The following APTX variants were observed in gnomAD, a reference collection of about 807,000 sequenced individuals.
The protein encoded by APTX is forkhead-associated domain histidine triad-like protein.
APTX carries 33 observed loss-of-function variants against 42.3 expected under a neutral mutation model. The ratio of observed to expected loss-of-function variants is 0.78; its 90% CI spans 0.59 to 1.04. The LOEUF (loss-of-function observed/expected upper bound fraction) is 1.04, where lower values mean the gene tolerates loss of function less well. Ranked by LOEUF, APTX falls within the 50% of genes least tolerant of loss-of-function variation. The probability of loss-of-function intolerance (pLI) is 0.00; values close to 1 mark genes in which losing one functional copy is unlikely to be tolerated. For synonymous variants in APTX, 130 were observed against 146.7 expected, an observed-to-expected ratio of 0.89 and a Z score of 0.82; for missense variants, 421 against 415.1, an observed-to-expected ratio of 1.01 and a Z score of -0.12.
chr9:32,990,941 T>C (rs1402607829), intron 1 of APTX, among the ~76,000 whole-genome samples: 1 of 152,142 alleles, frequency 6.6e-6, no homozygotes, highest in Non-Finnish European at 1.5e-5. Context: ...TTTTTTTTTT[T>C]CTGAGACGGA....
intron 6 of APTX, among the ~76,000 whole-genome samples, chr9:32,982,533 A>G (rs796224379): frequency 3.9e-5 from 6 of 152,240 alleles, no homozygotes; most frequent in African/African-American, 1.4e-4. Context: ...ACAATAGGAA[A>G]AATAATTTTA....
At chr9:32,989,662 A>C in intron 2 of APTX, 97 bp downstream of exon 2, 1 of 1,586,286 alleles carries the variant, frequency 6.3e-7, no homozygotes, top group Non-Finnish European at 8.6e-7. Context: ...TTTGGCAGAC[A>C]ATAGATTTTC....
intron 1 of APTX, among the ~76,000 whole-genome samples, chr9:33,010,528 T>G (rs1339417758): frequency 6.6e-6 from 1 of 152,064 alleles, no homozygotes; most frequent in African/African-American, 2.4e-5. Flanking sequence ...AAGACCAGCC[T>G]GGTCAACATG....
Position 32,987,607 on chromosome 9 carries a change from A to C in APTX, c.420T>G (p.Pro140=). 1.2e-6 allele frequency: 2 copies of C among 1,614,188 alleles called. No individual in the cohort carries two copies. Among genetic ancestry groups the C allele is most frequent in the Non-Finnish European group, 1.7e-6 (2 of 1,180,048 alleles). ...CAGAGCATTGGCCAGAGTTGCTCCCAGGTTCCAGCCCTGTCCCAGCCTCAG... is the reference window on the plus strand; with the variant it reads ...CAGAGCATTGGCCAGAGTTGCTCCCCGGTTCCAGCCCTGTCCCAGCCTCAG... The part of the protein sequence containing the change: ...QEAEAGTGLE[P]GSNSGQCSVP... Residue 140 remains proline (P), a synonymous_variant, in exon 4 of 8, where the codon CCT becomes CCG. Transcript: ENST00000379817.
chr9:32,993,719 CTTT>C (rs1269512640), intron 1 of APTX, among the ~76,000 whole-genome samples: 9 of 132,942 alleles, frequency 6.8e-5, no homozygotes, highest in Admixed American at 2.3e-4. Flanking sequence ...ACCTCTATAT[CTTT>C]TTTTTTTTTT....
chr9:32,995,339 G>A (rs1287042059), intron 1 of APTX, among the ~76,000 whole-genome samples: 1 of 152,162 alleles, frequency 6.6e-6, no homozygotes, highest in Non-Finnish European at 1.5e-5. Flanking sequence ...ACATAAACAG[G>A]AGTTTGGAAA....
Position 33,010,157 on chromosome 9 carries a change from G to T in APTX, c.-5+14866C>A, listed in dbSNP as rs1837436032. 2.0e-5 allele frequency among the ~76,000 whole-genome samples: 3 copies of T among 152,218 alleles called. No individual in the cohort carries two copies. In the South Asian group the frequency reaches 6.2e-4, roughly 32 times the overall value. On this transcript the variant is annotated intron_variant, in intron 1 of 6. Coordinates refer to the APTX transcript ENST00000436040. The stretch of plus-strand genomic sequence containing the variant: ...CCCTCAATCTCACAATCACAGACAG[G>T]CAATAGTAGTTCCCAGAACAGGAGG...
chr9:32,999,002 G>A (rs1425404081), intron 1 of APTX, among the ~76,000 whole-genome samples: 1 of 152,152 alleles, frequency 6.6e-6, no homozygotes, highest in Non-Finnish European at 1.5e-5. Flanking sequence ...AGAAATGACT[G>A]GTAAGAAAGG....
In APTX at chr9:33,001,618, C is replaced by CT. The variant is rs776772218; in HGVS notation, c.-57dup. 57 of 1,613,818 alleles carry CT rather than the reference C, an allele frequency of 3.5e-5. No individual in the cohort carries two copies. The highest frequency in any genetic ancestry group is 2.2e-4 in the East Asian group (10 of 44,874). On this transcript the variant is annotated 5_prime_UTR_variant, in exon 1 of 8. Transcript: ENST00000379817. ...CACGTTACTCATCTGTGCCTCACCG[C>CT]TTCCGGCGCTGCGGGATGACGTCAG... is the stretch of plus-strand genomic sequence containing the variant.
chr9:32,974,642 T>C (rs1414148463), intron 6 of APTX, 81 bp from the exon 7 acceptor site: 15 of 789,146 alleles, frequency 1.9e-5, no homozygotes, highest in South Asian at 1.3e-4. Flanking sequence ...TATGAGTACA[T>C]TGTATATTCA....
intron 1 of APTX, among the ~76,000 whole-genome samples, chr9:33,023,396 T>C (rs1295301292): frequency 6.6e-6 from 1 of 151,904 alleles, no homozygotes; most frequent in Non-Finnish European, 1.5e-5. Flanking sequence ...GCTAATTGTT[T>C]CTATTTTTAG....
rs991102979 is a variant in APTX at position 32,973,030 on chromosome 9, T to A, written c.*468A>T. 15 of 454,124 alleles carry A rather than the reference T, an allele frequency of 3.3e-5. No homozygotes were observed. The highest frequency in any genetic ancestry group is 9.4e-5 in the Admixed American group (4 of 42,564). 28.1% of individuals were successfully genotyped at this position (454,124 alleles called of 1,614,324 possible). ...CTCCCCATGAAGGAAGGGAAAAGAATATTACAAAACAGACTAACAGAAAAC... is the reference window on the plus strand; with the variant it reads ...CTCCCCATGAAGGAAGGGAAAAGAAAATTACAAAACAGACTAACAGAAAAC... On this transcript the variant is annotated 3_prime_UTR_variant, in exon 8 of 8. Coordinates refer to ENST00000379817, the MANE Select transcript of APTX (RefSeq NM_001195248.2).
At chr9:32,988,686 GAAAAAAAAAAAAA>G (rs201425898) in intron 2 of APTX, among the ~76,000 whole-genome samples, 4 of 70,888 alleles carry the variant, frequency 5.6e-5, no homozygotes, top group East Asian at 1.0e-3. Flanking sequence ...ATCTCAGGAG[GAAAAAAAAAAAAA>G]AAAAAAAAAA....
At chr9:33,002,206 T>C (rs149514580), upstream of APTX, among the ~76,000 whole-genome samples, 2 of 152,270 alleles carry the variant, frequency 1.3e-5, no homozygotes, top group Admixed American at 6.5e-5. Flanking sequence ...AAGAATCATA[T>C]TGCAGTTATT....
Position 33,014,804 on chromosome 9 carries a change from C to T in APTX, c.-5+10219G>A, listed in dbSNP as rs553976137. Among the ~76,000 whole-genome samples, 179 of 152,300 alleles carry T rather than the reference C, an allele frequency of 1.2e-3. 3 individuals are homozygous for T. The highest frequency in any genetic ancestry group is 0.011 in the Admixed American group (165 of 15,302). ...TTGTTGTGCTGCCATCAGAGGCATC[C>T]CTCTACACTGGTCACCCGGTCAGGG... is the stretch of plus-strand genomic sequence containing the variant. On this transcript the variant is annotated intron_variant, in intron 1 of 6. Transcript: ENST00000436040.
chr9:33,009,900 T>C (rs1266240915), intron 1 of APTX, among the ~76,000 whole-genome samples: 1 of 152,218 alleles, frequency 6.6e-6, no homozygotes, highest in Non-Finnish European at 1.5e-5. Flanking sequence ...AAATTAAGAA[T>C]AAACTCCCTT....
intron 1 of APTX, among the ~76,000 whole-genome samples, chr9:32,995,277 T>C (rs1409610224): frequency 1.3e-5 from 2 of 152,158 alleles, no homozygotes; most frequent in East Asian, 3.9e-4. Context: ...ATACAACCAT[T>C]CTAGATGCCC....
chr9:32,995,602 A>C (rs1215880664), intron 1 of APTX, among the ~76,000 whole-genome samples: 1 of 152,166 alleles, frequency 6.6e-6, no homozygotes, highest in Non-Finnish European at 1.5e-5. Flanking sequence ...AAACGCCAAC[A>C]AAGGGCTGGG....
intron 1 of APTX, among the ~76,000 whole-genome samples, chr9:33,013,873 G>A (rs1837716180): frequency 6.6e-6 from 1 of 152,222 alleles, no homozygotes; most frequent in South Asian, 2.1e-4. Flanking sequence ...ATAACAGGGA[G>A]ATGAAAGAAA....
Sources: allele counts gnomAD v4.1 joint callset (sites outside exome capture counted in the v4.1 genomes callset), GRCh38; gene constraint gnomAD v4.1.1; transcripts MANE v1.5; gene names NCBI Gene and HGNC (gene_info 2026-07-23, HGNC 2026-07-21).